NFIA: variants seen among roughly 807,000 people sequenced by gnomAD.
NFIA encodes the protein nuclear factor 1 A-type.
In NFIA, 8 loss-of-function variants were observed where a neutral mutation model predicts 62.8. The ratio of observed to expected loss-of-function variants is 0.13; its 90% confidence interval spans 0.07 to 0.23. NFIA has a LOEUF of 0.23. Ranked by LOEUF, NFIA falls within the 10% of genes least tolerant of loss-of-function variation. NFIA has a pLI of 1.00. For missense variants in NFIA, 410 were observed against 642.1 expected, an observed-to-expected ratio of 0.64 and a Z score of 3.91; for synonymous variants, 235 against 238.1, an observed-to-expected ratio of 0.99 and a Z score of 0.12.
At chr1:61,320,564 T>A (rs1471131499) in intron 3 of NFIA, among the ~76,000 whole-genome samples, 2 of 152,296 alleles carry the variant, frequency 1.3e-5, no homozygotes, top group South Asian at 2.1e-4. Flanking sequence ...TAAGGATTTT[T>A]AAAAAATATT....
At chr1:61,295,330 C>T (rs1345919225) in intron 3 of NFIA, among the ~76,000 whole-genome samples, 3 of 152,078 alleles carry the variant, frequency 2.0e-5, no homozygotes, top group South Asian at 4.2e-4. Context: ...GAGTGGGCTC[C>T]GGGTTAGAGT....
At chr1:61,200,010 G>GTATA (rs60422302) in intron 2 of NFIA, among the ~76,000 whole-genome samples, 6 of 52,824 alleles carry the variant, frequency 1.1e-4, no homozygotes, top group Admixed American at 2.0e-4. Context: ...ATATATATAT[G>GTATA]TATATATATA....
At chr1:61,163,428 C>T (rs1649351604) in intron 2 of NFIA, among the ~76,000 whole-genome samples, 1 of 152,076 alleles carries the variant, frequency 6.6e-6, no homozygotes, top group Non-Finnish European at 1.5e-5. Flanking sequence ...AATATACCTA[C>T]CTAATTGGTT....
At chr1:61,394,321 A>G (rs762289212) in intron 7 of NFIA, among the ~76,000 whole-genome samples, 2 of 152,050 alleles carry the variant, frequency 1.3e-5, no homozygotes, top group Admixed American at 6.5e-5. Context: ...CTACAGGTAC[A>G]CGCCACCATG....
rs774297484 is a variant in NFIA at position 61,306,269 on chromosome 1, C to CTTTTTTTTTTT, written c.626-26228_626-26218dup. ...TCATCCTGGAGACCCAGATTTTGTT[C>CTTTTTTTTTTT]TTTTTTTTTTTTTTTTTTTTTTTTT... On this transcript the variant is annotated intron_variant, in intron 3 of 10. Transcript: ENST00000403491. 2.4e-3 allele frequency among the ~76,000 whole-genome samples: 147 copies of CTTTTTTTTTTT among 60,626 alleles called. 26 individuals carry two copies. Among genetic ancestry groups the CTTTTTTTTTTT allele is most frequent in the South Asian group, 5.4e-3 (7 of 1,294 alleles). The allele number at this position is 60,626 out of a possible 152,430, so 39.8% of individuals were successfully genotyped here. A position where few individuals can be genotyped will look rare whatever the true frequency, so the allele number is the denominator to read the frequency against.
At chr1:61,093,826 T>G (rs1479642786) in intron 2 of NFIA, among the ~76,000 whole-genome samples, 1 of 152,218 alleles carries the variant, frequency 6.6e-6, no homozygotes, top group African/African-American at 2.4e-5. Flanking sequence ...GGATTTTCCT[T>G]GTCTTCTTTT....
At chr1:61,252,839 A>G (rs1004968111) in intron 2 of NFIA, among the ~76,000 whole-genome samples, 4 of 152,220 alleles carry the variant, frequency 2.6e-5, no homozygotes, top group Non-Finnish European at 5.9e-5. Flanking sequence ...AAATTAACCA[A>G]TCAACAACTG....
intron 4 of NFIA, among the ~76,000 whole-genome samples, chr1:61,348,646 C>T (rs1662377795): frequency 6.6e-6 from 1 of 152,194 alleles, no homozygotes; most frequent in African/African-American, 2.4e-5. Flanking sequence ...TATTCTGGCT[C>T]TCTTGACATT....
chr1:61,191,016 G>T (rs1257712948), intron 2 of NFIA, among the ~76,000 whole-genome samples: 4 of 150,270 alleles, frequency 2.7e-5, no homozygotes, highest in African/African-American at 4.9e-5. Flanking sequence ...GATAAATAAA[G>T]AAACTGGCAG....
chr1:61,300,279 C>T lies in NFIA; in HGVS notation c.625+22694C>T, dbSNP rs528327245. Among the ~76,000 whole-genome samples, 8 of 152,108 alleles carry T rather than the reference C, an allele frequency of 5.3e-5. 1 individual carries two copies. The highest frequency in any genetic ancestry group is 6.8e-3 in the Middle Eastern group (2 of 294). On this transcript the variant is annotated intron_variant, in intron 3 of 10. Coordinates refer to ENST00000403491, the MANE Select transcript of NFIA (RefSeq NM_001134673.4). Reference sequence around the variant, plus strand: ...TGCTTATGCGTTATCTCATGAGGTACCTGACAGATCTTCTAAGTATAATTT... The same window carrying T: ...TGCTTATGCGTTATCTCATGAGGTATCTGACAGATCTTCTAAGTATAATTT...
At chr1:61,311,362 G>C (rs1473175844) in intron 3 of NFIA, among the ~76,000 whole-genome samples, 1 of 151,946 alleles carries the variant, frequency 6.6e-6, no homozygotes, top group African/African-American at 2.4e-5. Context: ...TTGCACTCCA[G>C]CCTGGGCAAC....
At chr1:61,382,913 T>G (rs1664490197) in intron 6 of NFIA, among the ~76,000 whole-genome samples, 1 of 152,082 alleles carries the variant, frequency 6.6e-6, no homozygotes, top group Non-Finnish European at 1.5e-5. Context: ...TTTTTGGGAG[T>G]CACAGAGGTC....
chr1:61,249,602 A>G (rs1385741821), intron 2 of NFIA, among the ~76,000 whole-genome samples: 1 of 152,142 alleles, frequency 6.6e-6, no homozygotes, highest in Non-Finnish European at 1.5e-5. Flanking sequence ...GGAGTTTGAC[A>G]CTAGCCTGGC....
intron 10 of NFIA, among the ~76,000 whole-genome samples, chr1:61,439,213 T>A (rs1459767063): frequency 1.3e-5 from 2 of 151,722 alleles, no homozygotes. Context: ...TAGTCTGCCT[T>A]GCTGCTGCAT....
intron 2 of NFIA, among the ~76,000 whole-genome samples, chr1:61,148,859 C>T (rs1477422157): frequency 6.6e-6 from 1 of 152,014 alleles, no homozygotes; most frequent in East Asian, 1.9e-4. Flanking sequence ...GGAAATTGAA[C>T]CATTCTCTTT....
intron 3 of NFIA, among the ~76,000 whole-genome samples, chr1:61,280,802 T>C (rs1658084368): frequency 6.6e-6 from 1 of 152,188 alleles, no homozygotes. Flanking sequence ...CGATAAAATA[T>C]CAGAAGCTCT....
chr1:61,299,987 A>G (rs909824017), intron 3 of NFIA, among the ~76,000 whole-genome samples: 2 of 152,144 alleles, frequency 1.3e-5, no homozygotes, highest in African/African-American at 4.8e-5. Context: ...TTGTGAGTAT[A>G]TCCGTATTTT....
intron 9 of NFIA, among the ~76,000 whole-genome samples, chr1:61,411,167 T>C (rs1666081177): frequency 6.6e-6 from 1 of 152,178 alleles, no homozygotes; most frequent in Non-Finnish European, 1.5e-5. Flanking sequence ...GAGCAGAGTA[T>C]GTATTTTTTA....
At chr1:61,126,522 G>A (rs539667645) in intron 2 of NFIA, among the ~76,000 whole-genome samples, 31 of 149,768 alleles carry the variant, frequency 2.1e-4, no homozygotes, top group African/African-American at 7.4e-4. Context: ...TTCAACATAT[G>A]GAGTTCTTTT....
Sources: allele counts gnomAD v4.1 joint callset (sites outside exome capture counted in the v4.1 genomes callset), GRCh38; gene constraint gnomAD v4.1.1; transcripts MANE v1.5; gene names NCBI Gene and HGNC (gene_info 2026-07-23, HGNC 2026-07-21).